The following MTUS2 variants were observed in gnomAD, a reference collection of about 807,000 sequenced individuals.
MTUS2 encodes the protein microtubule-associated tumor suppressor candidate 2.
MTUS2 carries 40 observed loss-of-function variants against 114.1 expected under a neutral mutation model. The observed-to-expected ratio is 0.35, with a 90% CI of 0.27 to 0.46. The LOEUF (loss-of-function observed/expected upper bound fraction) is 0.46. MTUS2 is among the 20% of genes least tolerant of loss of function. The pLI is 1.00. For synonymous variants in MTUS2, 688 were observed against 672.0 expected (o/e 1.02, Z -0.37); for missense variants, 1,679 against 1,705.4 (o/e 0.98, Z 0.27).
chr13:29,304,846 C>G (rs1277079245), intron 6 of MTUS2, among the ~76,000 whole-genome samples: 1 of 152,146 alleles, frequency 6.6e-6, no homozygotes, highest in Admixed American at 6.5e-5. Context: ...TTCTTCTCAT[C>G]ACCACATGGC....
Position 29,490,079 on chromosome 13 carries a change from T to C in MTUS2, c.3505+2074T>C, listed in dbSNP as rs529502696. On this transcript the variant is annotated intron_variant, in intron 11 of 15. Coordinates refer to ENST00000612955, the MANE Select transcript of MTUS2 (RefSeq NM_001033602.4). ...GTCAAGGCCATGTGCGTGTAGGTAA[T>C]GGTAGCTAAAAAATTTATTATTATG... 11 of 152,270 alleles carry C rather than the reference T, an allele frequency of 7.2e-5. No homozygotes were observed. In the East Asian group the frequency reaches 2.1e-3, roughly 29 times the overall value. The allele number at this position is 152,270 out of a possible 1,614,324, so 9.4% of individuals were successfully genotyped here. A position where few individuals can be genotyped will look rare whatever the true frequency, so the allele number is the denominator to read the frequency against.
rs548949672 is a variant in MTUS2 at position 29,403,693 on chromosome 13, C to T, written c.3118-36290C>T. Reference sequence around the variant, plus strand: ...TCCTGCCTACTGGCTCATATTGAAACGTCGGTTCTTGCTGAGTCTTCAGTA... The same window carrying T: ...TCCTGCCTACTGGCTCATATTGAAATGTCGGTTCTTGCTGAGTCTTCAGTA... On this transcript the variant is annotated intron_variant, in intron 8 of 15. Transcript: ENST00000612955. Among the ~76,000 whole-genome samples the T allele has an allele frequency of 6.0e-4, 92 of 152,294 alleles. No individual in the cohort carries two copies. In the South Asian group the frequency reaches 8.9e-3, roughly 15 times the overall value.
chr13:28,828,183 G>A (rs868199523), intron 1 of MTUS2, among the ~76,000 whole-genome samples: 5 of 152,260 alleles, frequency 3.3e-5, no homozygotes, highest in East Asian at 3.9e-4. Context: ...AGAATTCAGC[G>A]ATATTTCTCC....
intron 8 of MTUS2, among the ~76,000 whole-genome samples, chr13:29,379,857 A>T (rs1055082236): frequency 2.6e-5 from 4 of 152,230 alleles, no homozygotes; most frequent in African/African-American, 9.6e-5. Flanking sequence ...ACATAAGGGT[A>T]GAGATTAAAG....
chr13:29,400,473 T>A lies in MTUS2; in HGVS notation c.3118-39510T>A, dbSNP rs575543761. On this transcript the variant is annotated intron_variant, in intron 8 of 15. Coordinates refer to ENST00000612955, the MANE Select transcript of MTUS2 (RefSeq NM_001033602.4). ...GTGAATTGATAAAGACCTGAAGTTC[T>A]GGAAAAGATGAGATGGTGTATATGC... Among the ~76,000 whole-genome samples the A allele has an allele frequency of 3.9e-5, 6 of 152,328 alleles. No homozygotes were observed. The South Asian group carries it at 1.0e-3, about 26-fold the overall frequency.
chr13:29,411,687 TGA>T (rs1453528070), intron 8 of MTUS2, among the ~76,000 whole-genome samples: 10 of 152,238 alleles, frequency 6.6e-5, no homozygotes, highest in Admixed American at 5.9e-4. Context: ...TTTGTGATGC[TGA>T]GTCATCCTTC....
chr13:29,390,190 AT>A (rs1323192293), intron 8 of MTUS2, among the ~76,000 whole-genome samples: 1 of 150,390 alleles, frequency 6.6e-6, no homozygotes, highest in Non-Finnish European at 1.5e-5. Context: ...ATGAATATAT[AT>A]TTTTTCTAAT....
chr13:29,400,863 A>G (rs1470832379), intron 8 of MTUS2, among the ~76,000 whole-genome samples: 2 of 152,224 alleles, frequency 1.3e-5, no homozygotes, highest in Non-Finnish European at 2.9e-5. Context: ...AAAGAGAGAA[A>G]GCACTTCCCA....
At chr13:29,020,633 C>T (rs987993642) in intron 2 of MTUS2, among the ~76,000 whole-genome samples, 20 of 152,064 alleles carry the variant, frequency 1.3e-4, no homozygotes, top group South Asian at 4.1e-4. Context: ...TGTGAACTTC[C>T]ACGTGTTGGT....
intron 9 of MTUS2, among the ~76,000 whole-genome samples, chr13:29,460,695 G>T (rs73446111): frequency 0.064 from 9,761 of 152,208 alleles, 352 homozygotes; most frequent in African/African-American, 0.085. Flanking sequence ...TGATGTGAAC[G>T]CACGAAGGAC....
intron 2 of MTUS2, among the ~76,000 whole-genome samples, chr13:28,923,734 A>G (rs1330480503): frequency 6.6e-6 from 1 of 152,158 alleles, no homozygotes. Context: ...GCACCTAGGA[A>G]CATAGCAGCT....
At chr13:29,389,513 GTGTATGTGTA>G (rs1254602036) in intron 8 of MTUS2, among the ~76,000 whole-genome samples, 1 of 74,378 alleles carries the variant, frequency 1.3e-5, no homozygotes, top group African/African-American at 3.6e-5. Context: ...ATACACGTGT[GTGTATGTGTA>G]TATATGTATA....
At chr13:29,415,573 A>G (rs1410431945) in intron 8 of MTUS2, among the ~76,000 whole-genome samples, 1 of 152,096 alleles carries the variant, frequency 6.6e-6, no homozygotes, top group African/African-American at 2.4e-5. Flanking sequence ...CTATCCATTT[A>G]TAATTTGCCT....
intron 2 of MTUS2, among the ~76,000 whole-genome samples, chr13:28,881,787 G>C (rs1878305699): frequency 6.6e-6 from 1 of 152,068 alleles, no homozygotes. Flanking sequence ...TTAAGAAATG[G>C]CCAAGACAGT....
At chr13:29,451,088 T>C (rs939524390) in intron 9 of MTUS2, among the ~76,000 whole-genome samples, 1 of 152,182 alleles carries the variant, frequency 6.6e-6, no homozygotes, top group Non-Finnish European at 1.5e-5. Flanking sequence ...ATCTTCCAAC[T>C]TGACCTTACT....
chr13:29,200,251 C>G lies in MTUS2; in HGVS notation c.2645-81453C>G, dbSNP rs558047804. On this transcript the variant is annotated intron_variant, in intron 5 of 15. Transcript: ENST00000612955. ...CTGCTAGCTTTTGAATTTGTTTACT[C>G]TTGCTTCTCGAGGTCTTTTAATTGT... Among the ~76,000 whole-genome samples, 23 of 151,838 alleles carry G rather than the reference C, an allele frequency of 1.5e-4. 1 individual carries two copies. The South Asian group carries it at 4.8e-3, about 32-fold the overall frequency.
intron 2 of MTUS2, among the ~76,000 whole-genome samples, chr13:28,930,698 CT>C (rs1214963026): frequency 6.6e-6 from 1 of 152,146 alleles, no homozygotes; most frequent in African/African-American, 2.4e-5. Flanking sequence ...CCTTGTTCCC[CT>C]GGTAGAATCC....
chr13:28,910,477 C>G (rs1359855409), intron 2 of MTUS2, among the ~76,000 whole-genome samples: 1 of 152,058 alleles, frequency 6.6e-6, no homozygotes, highest in Non-Finnish European at 1.5e-5. Flanking sequence ...GTAGATCAAC[C>G]TATCACCTAG....
chr13:29,402,077 CTT>C (rs1167457855), intron 8 of MTUS2, among the ~76,000 whole-genome samples: 1 of 152,000 alleles, frequency 6.6e-6, no homozygotes, highest in Non-Finnish European at 1.5e-5. Flanking sequence ...CATATTCATA[CTT>C]TTTTCATATT....
Sources: gnomAD v4.1 joint callset for allele counts (sites outside exome capture counted in the v4.1 genomes callset) on GRCh38, gnomAD v4.1.1 for gene constraint, MANE v1.5 for transcripts, NCBI Gene and HGNC (gene_info 2026-07-23, HGNC 2026-07-21) for gene names.